Variants in DOCK2 observed in about 807,000 individuals in gnomAD.
The protein encoded by DOCK2 is dedicator of cytokinesis 2.
In DOCK2, 87 loss-of-function variants were observed where a neutral mutation model predicts 248.9. That is an observed-to-expected ratio of 0.35 (90% CI 0.29 to 0.42). The LOEUF (loss-of-function observed/expected upper bound fraction) is 0.42, where lower values mean the gene tolerates loss of function less well. Ranked by LOEUF, DOCK2 falls within the 10% of genes least tolerant of loss-of-function variation. The pLI is 1.00. For missense variants in DOCK2, 1,747 were observed against 2,300.2 expected (o/e 0.76, Z 4.92); for synonymous variants, 805 against 821.6 (o/e 0.98, Z 0.35).
chr5:169,671,015 G>C, intron 4 of DOCK2, 63 bp from the exon 5 acceptor site: 1 of 1,439,254 alleles, frequency 6.9e-7, no homozygotes, highest in Admixed American at 1.7e-5. Flanking sequence ...AAATTTGTTG[G>C]TGTTTTATCT....
intron 33 of DOCK2, among the ~76,000 whole-genome samples, chr5:170,021,754 G>A (rs977479402): frequency 6.6e-6 from 1 of 152,168 alleles, no homozygotes; most frequent in Non-Finnish European, 1.5e-5. Flanking sequence ...CTTCATAGGA[G>A]CTCAGCTCGG....
At chr5:169,643,568 CTGATCTGACAGGAGGCAGAG>C (rs1423305363) in intron 1 of DOCK2, among the ~76,000 whole-genome samples, 1 of 152,210 alleles carries the variant, frequency 6.6e-6, no homozygotes, top group Admixed American at 6.5e-5. Flanking sequence ...AATGCCCCTG[CTGATCTGACAGGAGGCAGAG>C]CTCAGGCTAA....
chr5:169,734,278 T>C (rs1466129476), intron 22 of DOCK2, among the ~76,000 whole-genome samples: 1 of 152,158 alleles, frequency 6.6e-6, no homozygotes, highest in Non-Finnish European at 1.5e-5. Context: ...CTTGATCATA[T>C]TTTCAAGCAT....
At chr5:169,811,615 G>T (rs1284941316) in intron 26 of DOCK2, among the ~76,000 whole-genome samples, 1 of 152,170 alleles carries the variant, frequency 6.6e-6, no homozygotes, top group Non-Finnish European at 1.5e-5. Context: ...GAGGCCAATG[G>T]CACAACTTCT....
chr5:169,751,474 G>A (rs1291244334), intron 23 of DOCK2, among the ~76,000 whole-genome samples: 1 of 152,210 alleles, frequency 6.6e-6, no homozygotes, highest in Non-Finnish European at 1.5e-5. Flanking sequence ...GGGTGCAGAG[G>A]ATATGAATGC....
intron 29 of DOCK2, among the ~76,000 whole-genome samples, chr5:169,991,097 G>A (rs943022061): frequency 2.0e-5 from 3 of 152,234 alleles, no homozygotes; most frequent in African/African-American, 4.8e-5. Context: ...CCCAGCCCAC[G>A]GCCGCAGCTC....
chr5:169,859,105 G>C (rs1444211300), intron 27 of DOCK2, among the ~76,000 whole-genome samples: 1 of 152,084 alleles, frequency 6.6e-6, no homozygotes, highest in Non-Finnish European at 1.5e-5. Context: ...GAGAAATGAA[G>C]TGGGTTTAGA....
chr5:169,653,522 C>T (rs377112160), intron 1 of DOCK2, among the ~76,000 whole-genome samples: 6 of 152,286 alleles, frequency 3.9e-5, no homozygotes, highest in South Asian at 2.1e-4. Context: ...GAGCTCACAC[C>T]GGGGCCTTCC....
chr5:170,079,282 C>T, intron 49 of DOCK2, 136 bp downstream of exon 49: 1 of 1,230,516 alleles, frequency 8.1e-7, no homozygotes, highest in Non-Finnish European at 1.1e-6. Context: ...GCAGAGGCGG[C>T]ACCTGAGGAG....
intron 39 of DOCK2, 29 bp downstream of exon 39, chr5:170,045,934 C>A (rs763289075): frequency 1.6e-5 from 25 of 1,608,750 alleles, no homozygotes; most frequent in Non-Finnish European, 8.5e-7. Flanking sequence ...AGGCTGAATG[C>A]CCTGCAGGCT....
intron 6 of DOCK2, among the ~76,000 whole-genome samples, chr5:169,674,656 A>T (rs575409388): frequency 9.3e-4 from 141 of 152,326 alleles, no homozygotes; most frequent in African/African-American, 3.3e-3. Context: ...TGTACTTAAC[A>T]TGGTGTTATT....
chr5:169,833,784 G>A (rs1368872148), intron 26 of DOCK2, among the ~76,000 whole-genome samples: 2 of 152,206 alleles, frequency 1.3e-5, no homozygotes, highest in Admixed American at 1.3e-4. Context: ...CTAGCGCACT[G>A]GTGGCCAGGC....
intron 23 of DOCK2, among the ~76,000 whole-genome samples, chr5:169,754,940 T>TTTATTTATTTAG (rs1268676729): frequency 6.7e-6 from 1 of 150,022 alleles, no homozygotes; most frequent in Non-Finnish European, 1.5e-5. Context: ...TATTTATTTA[T>TTTATTTATTTAG]TTATTTATTT....
intron 27 of DOCK2, among the ~76,000 whole-genome samples, chr5:169,978,392 T>TGGGGGG (rs150934804): frequency 4.4e-5 from 1 of 22,734 alleles, no homozygotes; most frequent in African/African-American, 1.1e-4. Context: ...TGTGTGTGTG[T>TGGGGGG]GGGGGGGGGG....
Position 170,056,737 on chromosome 5 carries a change from G to C in DOCK2, c.4349G>C (p.Arg1450Thr), listed in dbSNP as rs1294363394. The part of the protein sequence containing the change: ...QRFHYSRPVR[R>T]GTVDPENEFA... ...TTCCACTACTCCCGGCCCGTGCGCA[G>C]GGGGACCGTAGACCCAGAGAATGAG... is the stretch of plus-strand genomic sequence containing the variant. Residue 1450 changes from arginine (R) to threonine (T), a missense_variant, in exon 43 of 52, where the codon AGG becomes ACG. Coordinates refer to ENST00000520908, the MANE Select transcript of DOCK2 (RefSeq NM_004946.3). 1 of 1,614,034 alleles carries C rather than the reference G, an allele frequency of 6.2e-7. No individual in the cohort carries two copies. The highest frequency in any genetic ancestry group is 8.5e-7 in the Non-Finnish European group (1 of 1,179,948).
At chr5:169,975,456 G>A (rs1378548843) in intron 27 of DOCK2, among the ~76,000 whole-genome samples, 1 of 152,166 alleles carries the variant, frequency 6.6e-6, no homozygotes, top group African/African-American at 2.4e-5. Context: ...ACTGCTGCCT[G>A]TCTCTCTGAC....
At chr5:169,647,320 T>TGATA (rs1757523266) in intron 1 of DOCK2, among the ~76,000 whole-genome samples, 1 of 150,966 alleles carries the variant, frequency 6.6e-6, no homozygotes, top group Admixed American at 6.6e-5. Flanking sequence ...GGTAGATGGA[T>TGATA]GATAGATGGG....
intron 26 of DOCK2, among the ~76,000 whole-genome samples, chr5:169,832,537 A>G (rs1375088719): frequency 6.6e-6 from 1 of 152,216 alleles, no homozygotes; most frequent in African/African-American, 2.4e-5. Flanking sequence ...GCTTCACGCA[A>G]TGAGATGTCA....
intron 34 of DOCK2, among the ~76,000 whole-genome samples, chr5:170,030,688 T>TTTC (rs1756102257): frequency 6.6e-6 from 1 of 152,218 alleles, no homozygotes; most frequent in Non-Finnish European, 1.5e-5. Flanking sequence ...CATTTTCACA[T>TTTC]AGAGGACAGT....
Sources: gnomAD v4.1 joint callset for allele counts (sites outside exome capture counted in the v4.1 genomes callset) on GRCh38, gnomAD v4.1.1 for gene constraint, MANE v1.5 for transcripts, NCBI Gene and HGNC (gene_info 2026-07-23, HGNC 2026-07-21) for gene names.